The following SDK1 variants were observed in gnomAD, a reference collection of about 807,000 sequenced individuals.
SDK1 encodes the protein sidekick cell adhesion molecule 1.
Under a neutral mutation model 245.5 loss-of-function variants are expected in SDK1, and 157 were observed. The observed-to-expected ratio is 0.64, with a 90% CI of 0.56 to 0.73. The LOEUF is 0.73. Among genes scored for constraint, SDK1 ranks in the 30% least tolerant of loss-of-function variants. The pLI, the probability that SDK1 is intolerant of heterozygous loss-of-function variation, is 0.00. For synonymous variants in SDK1, 1,647 were observed against 1,278.5 expected (o/e 1.29, Z -6.15); for missense variants, 3,583 against 3,002.3 (o/e 1.19, Z -4.52).
At chr7:3,880,892 G>A (rs1244446161) in intron 5 of SDK1, among the ~76,000 whole-genome samples, 2 of 152,128 alleles carry the variant, frequency 1.3e-5, no homozygotes, top group African/African-American at 2.4e-5. Flanking sequence ...TTACCCTGGT[G>A]AAGGAAAGGC....
At chr7:3,619,043 C>G in intron 1 of SDK1, 37 bp from the exon 2 acceptor site, 2 of 1,476,942 alleles carry the variant, frequency 1.4e-6, no homozygotes, top group African/African-American at 1.4e-5. Flanking sequence ...TTCATGCGTA[C>G]TTCAGTTTTG....
At chr7:3,481,866 T>G (rs1210271604) in intron 1 of SDK1, among the ~76,000 whole-genome samples, 3 of 152,236 alleles carry the variant, frequency 2.0e-5, no homozygotes, top group Non-Finnish European at 4.4e-5. Flanking sequence ...CCCTGTTGAT[T>G]GCACAGTCTG....
chr7:3,789,670 T>A (rs986412976), intron 4 of SDK1, among the ~76,000 whole-genome samples: 4 of 152,152 alleles, frequency 2.6e-5, no homozygotes, highest in Non-Finnish European at 4.4e-5. Flanking sequence ...ATATCATCTC[T>A]TCCTCCTGAA....
At chr7:3,377,679 G>A (rs779939942) in intron 1 of SDK1, among the ~76,000 whole-genome samples, 2 of 152,074 alleles carry the variant, frequency 1.3e-5, no homozygotes, top group Non-Finnish European at 2.9e-5. Context: ...CATCCATGTT[G>A]GGTTCCTTTT....
chr7:3,474,398 C>G (rs1447431813), intron 1 of SDK1, among the ~76,000 whole-genome samples: 1 of 151,950 alleles, frequency 6.6e-6, no homozygotes, highest in Non-Finnish European at 1.5e-5. Context: ...CCGGCCATCT[C>G]TACCAGATGT....
At chr7:3,945,882 G>C (rs1346247465) in intron 5 of SDK1, among the ~76,000 whole-genome samples, 1 of 93,430 alleles carries the variant, frequency 1.1e-5, no homozygotes, top group East Asian at 3.7e-4. Flanking sequence ...CTGGGCAACA[G>C]AGCAAGACTC....
intron 4 of SDK1, among the ~76,000 whole-genome samples, chr7:3,750,339 C>T (rs886522514): frequency 2.6e-5 from 4 of 152,154 alleles, no homozygotes; most frequent in Non-Finnish European, 4.4e-5. Flanking sequence ...AGTCTACTAT[C>T]CTGTGCTCAA....
intron 5 of SDK1, among the ~76,000 whole-genome samples, chr7:3,860,858 G>C (rs1181109231): frequency 6.6e-6 from 1 of 152,050 alleles, no homozygotes; most frequent in Non-Finnish European, 1.5e-5. Flanking sequence ...AAACCAATGA[G>C]AATTGCTGAC....
chr7:4,231,636 G>A (rs983419852), intron 40 of SDK1, among the ~76,000 whole-genome samples: 3 of 148,926 alleles, frequency 2.0e-5, no homozygotes, highest in Non-Finnish European at 3.0e-5. Context: ...GAGAGGGAGG[G>A]AGGGAGGGAA....
intron 4 of SDK1, among the ~76,000 whole-genome samples, chr7:3,686,323 G>A (rs532161236): frequency 5.9e-5 from 9 of 152,304 alleles, no homozygotes; most frequent in African/African-American, 2.2e-4. Flanking sequence ...TGATCCACCT[G>A]CCTTGGCCTG....
intron 38 of SDK1, among the ~76,000 whole-genome samples, chr7:4,215,832 C>G (rs1191619616): frequency 1.3e-5 from 2 of 152,106 alleles, no homozygotes; most frequent in African/African-American, 2.4e-5. Context: ...CTGGGCACTC[C>G]CACTCATCCC....
chr7:3,393,323 T>G lies in SDK1; in HGVS notation c.298+91439T>G, dbSNP rs555943720. Among the ~76,000 whole-genome samples, 4 of 152,252 alleles carry G rather than the reference T, an allele frequency of 2.6e-5. 1 individual carries two copies. In the Middle Eastern group the frequency reaches 0.014, roughly 518 times the overall value. ...ACCCAGGAGTGAAGTTGTTCAATCA[T>G]ATGATAATTCTGTGTTTAGCTTTAT... On this transcript the variant is annotated intron_variant, in intron 1 of 44. Coordinates refer to ENST00000404826, the MANE Select transcript of SDK1 (RefSeq NM_152744.4).
chr7:3,672,838 C>T (rs1352706489), intron 4 of SDK1, among the ~76,000 whole-genome samples: 1 of 120,910 alleles, frequency 8.3e-6, no homozygotes, highest in East Asian at 2.6e-4. Context: ...CACACTTTTG[C>T]CAAAATAGGC....
intron 35 of SDK1, chr7:4,178,995 T>C (rs1480105533): frequency 5.8e-6 from 1 of 173,406 alleles, no homozygotes; most frequent in East Asian, 1.7e-4. Flanking sequence ...GACAGCCCAT[T>C]CTCTAGGTCT....
intron 1 of SDK1, among the ~76,000 whole-genome samples, chr7:3,538,747 C>A (rs1583140542): frequency 6.6e-6 from 1 of 152,316 alleles, no homozygotes; most frequent in South Asian, 2.1e-4. Context: ...CCCAGAACTT[C>A]ATGAACCTGG....
intron 1 of SDK1, among the ~76,000 whole-genome samples, chr7:3,501,731 T>C (rs1428763081): frequency 6.6e-6 from 1 of 152,222 alleles, no homozygotes; most frequent in Non-Finnish European, 1.5e-5. Context: ...ATGTTTTTAT[T>C]TTTTGTTGAA....
In SDK1 at chr7:4,000,153, C is replaced by T. The variant is rs893531630; in HGVS notation, c.2132-10813C>T. On this transcript the variant is annotated intron_variant, in intron 14 of 44. Coordinates refer to ENST00000404826, the MANE Select transcript of SDK1 (RefSeq NM_152744.4). ...GAGGGGGCCCAAGATGGCCTAGAGC[C>T]CCAGGCCTGGACGTGGAAGTAGGAG... Among the ~76,000 whole-genome samples, 15 of 152,150 alleles carry T rather than the reference C, an allele frequency of 9.9e-5. 1 individual carries two copies. Among genetic ancestry groups the T allele is most frequent in the African/African-American group, 3.4e-4 (14 of 41,420 alleles).
Position 4,266,870 on chromosome 7 carries a change from C to A in SDK1, c.*1486C>A, listed in dbSNP as rs1788503567. On this transcript the variant is annotated 3_prime_UTR_variant, in exon 45 of 45. Coordinates refer to ENST00000404826, the MANE Select transcript of SDK1 (RefSeq NM_152744.4). ...ACTCAAGACCACCCTGTCAGTGCCC[C>A]CCAGTGCACGGCAAACGGGCAGGTG... 1 of 985,414 alleles carries A rather than the reference C, an allele frequency of 1.0e-6. No homozygotes were observed. The highest frequency in any genetic ancestry group is 4.7e-5 in the South Asian group (1 of 21,292). The allele number at this position is 985,414 out of a possible 1,614,324, so 61.0% of individuals were successfully genotyped here.
At chr7:4,052,982 G>T (rs947317480) in intron 19 of SDK1, among the ~76,000 whole-genome samples, 21 of 151,392 alleles carry the variant, frequency 1.4e-4, no homozygotes, top group African/African-American at 4.9e-4. Flanking sequence ...AGCTACTCGG[G>T]AGGCTGAGGC....
Sources: allele counts gnomAD v4.1 joint callset (sites outside exome capture counted in the v4.1 genomes callset), GRCh38; gene constraint gnomAD v4.1.1; transcripts MANE v1.5; gene names NCBI Gene and HGNC (gene_info 2026-07-23, HGNC 2026-07-21).